Variants in IGSF21 observed in about 807,000 individuals in gnomAD.
IGSF21 encodes the protein immunoglobin superfamily member 21.
Under a neutral mutation model 46.8 loss-of-function variants are expected in IGSF21, and 28 were observed. The observed-to-expected ratio is 0.60, with a 90% CI of 0.44 to 0.82. IGSF21 has a LOEUF of 0.82. IGSF21 is among the 40% of genes least tolerant of loss of function. IGSF21 has a pLI of 0.00. For synonymous variants in IGSF21, 284 were observed against 273.6 expected, an observed-to-expected ratio of 1.04 and a Z score of -0.38; for missense variants, 624 against 665.5, an observed-to-expected ratio of 0.94 and a Z score of 0.69.
chr1:18,370,540 G>C (rs953961748), intron 6 of IGSF21, among the ~76,000 whole-genome samples: 2 of 152,088 alleles, frequency 1.3e-5, no homozygotes, highest in Non-Finnish European at 2.9e-5. Context: ...GTGTAACAAA[G>C]GTTTCTTAAA....
intron 2 of IGSF21, among the ~76,000 whole-genome samples, chr1:18,258,072 G>A (rs1375087030): frequency 6.6e-6 from 1 of 152,206 alleles, no homozygotes; most frequent in African/African-American, 2.4e-5. Context: ...GGAGGTAGCA[G>A]CCTCTGTTGG....
chr1:18,314,475 T>C (rs1557639476), intron 3 of IGSF21, among the ~76,000 whole-genome samples: 1 of 152,196 alleles, frequency 6.6e-6, no homozygotes, highest in Non-Finnish European at 1.5e-5. Context: ...GGTGCTACTT[T>C]AATTGAGTGG....
intron 5 of IGSF21, among the ~76,000 whole-genome samples, chr1:18,364,550 A>G (rs72938777): frequency 0.012 from 1,838 of 151,964 alleles, 36 homozygotes; most frequent in African/African-American, 0.042. Flanking sequence ...TCCCCTCAGG[A>G]ATCTGGGCAC....
intron 3 of IGSF21, among the ~76,000 whole-genome samples, 158 bp downstream of exon 3, chr1:18,292,145 C>T (rs929074375): frequency 6.6e-6 from 1 of 152,200 alleles, no homozygotes; most frequent in African/African-American, 2.4e-5. Context: ...GGGACCCATT[C>T]CCTGGAGGGA....
intron 4 of IGSF21, among the ~76,000 whole-genome samples, chr1:18,356,358 A>T (rs114423500): frequency 0.012 from 1,871 of 152,262 alleles, 37 homozygotes; most frequent in African/African-American, 0.042. Flanking sequence ...CACAAAAATG[A>T]GGCACTGATG....
intron 4 of IGSF21, among the ~76,000 whole-genome samples, chr1:18,359,648 T>C (rs998818652): frequency 6.6e-6 from 1 of 152,182 alleles, no homozygotes; most frequent in South Asian, 2.1e-4. Context: ...TTGGAATGTA[T>C]CCTGATACCT....
At chr1:18,262,122 T>C (rs748131446) in intron 2 of IGSF21, among the ~76,000 whole-genome samples, 9 of 152,130 alleles carry the variant, frequency 5.9e-5, no homozygotes, top group Non-Finnish European at 7.4e-5. Flanking sequence ...AACTCCCAGG[T>C]GCTACTGATG....
At chr1:18,338,706 G>C (rs35813471) in intron 4 of IGSF21, among the ~76,000 whole-genome samples, 1 of 152,050 alleles carries the variant, frequency 6.6e-6, no homozygotes, top group African/African-American at 2.4e-5. Flanking sequence ...ACATCCCACT[G>C]TGTGGTGGGG....
At chr1:18,189,761 A>C (rs2086937327) in intron 1 of IGSF21, among the ~76,000 whole-genome samples, 1 of 152,124 alleles carries the variant, frequency 6.6e-6, no homozygotes, top group Admixed American at 6.5e-5. Context: ...CATGTGAACA[A>C]TGGGGAGTGG....
chr1:18,253,316 C>T (rs1293462440), intron 2 of IGSF21, among the ~76,000 whole-genome samples: 6 of 152,198 alleles, frequency 3.9e-5, no homozygotes, highest in African/African-American at 2.4e-5. Flanking sequence ...TGTTTCCTGG[C>T]ACCCTAATGT....
At chr1:18,344,877 C>A (rs1470392470) in intron 4 of IGSF21, among the ~76,000 whole-genome samples, 1 of 152,118 alleles carries the variant, frequency 6.6e-6, no homozygotes, top group Non-Finnish European at 1.5e-5. Flanking sequence ...TGGCTCCAGG[C>A]GATTACTGTG....
At chr1:18,136,391 G>C (rs1310050573) in intron 1 of IGSF21, among the ~76,000 whole-genome samples, 2 of 152,172 alleles carry the variant, frequency 1.3e-5, no homozygotes, top group Non-Finnish European at 2.9e-5. Flanking sequence ...TATGGTTTTA[G>C]GTCTGACATG....
At chr1:18,359,905 T>A (rs1411643703) in intron 4 of IGSF21, among the ~76,000 whole-genome samples, 2 of 152,208 alleles carry the variant, frequency 1.3e-5, no homozygotes, top group African/African-American at 4.8e-5. Flanking sequence ...CTCAGCTTCA[T>A]GTCAGAGGCT....
In IGSF21 at chr1:18,362,140, G is replaced by A. The variant is rs762978548; in HGVS notation, c.450G>A (p.Val150=). 15 of 1,611,450 alleles carry A rather than the reference G, an allele frequency of 9.3e-6. No individual in the cohort carries two copies. The highest frequency in any genetic ancestry group is 1.3e-5 in the Non-Finnish European group (15 of 1,179,112). ...CTCCTCCCACCTCCATTGAAGTGGT[G>A]GCTGCTGACACACCAGCCCCCTTCA... is the stretch of plus-strand genomic sequence containing the variant. ...VMAPPTSIEV[V]AADTPAPFSR... Residue 150 remains valine, a synonymous_variant, in exon 5 of 10, where the codon GTG becomes GTA. Transcript: ENST00000251296.
chr1:18,225,588 C>T (rs918167570), intron 1 of IGSF21, among the ~76,000 whole-genome samples: 1 of 152,136 alleles, frequency 6.6e-6, no homozygotes, highest in Non-Finnish European at 1.5e-5. Context: ...CCTTCATGAG[C>T]CTTGATCTCA....
At chr1:18,199,594 T>C (rs145581508) in intron 1 of IGSF21, among the ~76,000 whole-genome samples, 246 of 152,190 alleles carry the variant, frequency 1.6e-3, no homozygotes, top group East Asian at 0.011. Flanking sequence ...CATCTGCATG[T>C]GCGTGATGGG....
chr1:18,246,519 T>A (rs926536986), intron 2 of IGSF21, among the ~76,000 whole-genome samples: 4 of 152,132 alleles, frequency 2.6e-5, no homozygotes, highest in African/African-American at 9.7e-5. Context: ...TTCTGTGGTC[T>A]TGTCCCCTCT....
At chr1:18,178,806 T>C (rs1488928595) in intron 1 of IGSF21, among the ~76,000 whole-genome samples, 1 of 151,114 alleles carries the variant, frequency 6.6e-6, no homozygotes, top group Non-Finnish European at 1.5e-5. Flanking sequence ...GGTCTGTGCC[T>C]GTTTTCCAGA....
At chr1:18,355,430 G>A (rs1196621270) in intron 4 of IGSF21, among the ~76,000 whole-genome samples, 1 of 152,178 alleles carries the variant, frequency 6.6e-6, no homozygotes, top group East Asian at 1.9e-4. Flanking sequence ...CTGTGTCGAT[G>A]TTAACTGTTG....
Sources: allele counts gnomAD v4.1 joint callset (sites outside exome capture counted in the v4.1 genomes callset), GRCh38; gene constraint gnomAD v4.1.1; transcripts MANE v1.5; gene names NCBI Gene and HGNC (gene_info 2026-07-23, HGNC 2026-07-21).